PPFIA4: variants seen among roughly 807,000 people sequenced by gnomAD.
PPFIA4 encodes PPFI scaffold protein A4, also known as liprin-alpha-4.
PPFIA4 carries 98 observed loss-of-function variants against 145.7 expected under a neutral mutation model. The ratio of observed to expected loss-of-function variants is 0.67; its 90% confidence interval spans 0.57 to 0.80. PPFIA4 has a LOEUF of 0.80. Ranked by LOEUF, PPFIA4 falls within the 30% of genes least tolerant of loss-of-function variation. The pLI, the probability that PPFIA4 is intolerant of heterozygous loss-of-function variation, is 0.00. For synonymous variants in PPFIA4, 628 were observed against 649.6 expected (o/e 0.97, Z 0.51); for missense variants, 1,457 against 1,632.7 (o/e 0.89, Z 1.85).
chr1:203,033,382 T>C (rs559314774), intron 1 of PPFIA4, among the ~76,000 whole-genome samples: 11 of 152,308 alleles, frequency 7.2e-5, no homozygotes, highest in African/African-American at 2.4e-4. Context: ...AGAATAGATT[T>C]GTAATTTTCT....
chr1:203,059,989 C>A, intron 21 of PPFIA4, 138 bp downstream of exon 21: 1 of 788,136 alleles, frequency 1.3e-6, no homozygotes, highest in Non-Finnish European at 2.1e-6. Flanking sequence ...AGCATTTAGC[C>A]CCCCTCCCCC....
In PPFIA4 at chr1:203,051,788, G is replaced by A; in HGVS notation, c.1531G>A (p.Ala511Thr). ...CTCAAGGTCGCACATGGGCAGTGCA[G>A]CAGACGTGCGGTTCTCCCTGGGCAC... is the stretch of plus-strand genomic sequence containing the variant. ...VHSRSHMGSAADVRFSLGTTT... is the reference protein window; with the variant it reads ...VHSRSHMGSATDVRFSLGTTT... Residue 511 changes from alanine to threonine, a missense_variant, in exon 14 of 30, where the codon GCA (alanine) becomes ACA (threonine). Coordinates refer to ENST00000295706, the MANE Select transcript of PPFIA4 (RefSeq NM_001304331.2). 2.5e-6 allele frequency: 4 copies of A among 1,613,346 alleles called. No individual in the cohort carries two copies. The African/African-American group carries it at 5.3e-5, about 21-fold the overall frequency.
chr1:203,056,024 C>A, intron 16 of PPFIA4, 96 bp from the exon 17 acceptor site: 1 of 1,262,874 alleles, frequency 7.9e-7, no homozygotes, highest in Non-Finnish European at 1.1e-6. Context: ...GGCACTGAAT[C>A]CTATCTTCTC....
In PPFIA4 at chr1:203,040,637, G is replaced by C. The variant is rs563905440; in HGVS notation, c.234+1395G>C. 3.9e-5 allele frequency among the ~76,000 whole-genome samples: 6 copies of C among 152,328 alleles called. No homozygotes were observed. In the South Asian group the frequency reaches 1.2e-3, roughly 32 times the overall value. ...CCGGAGAGAATGCAGAGGAAGATAA[G>C]AGAGGCCCAAAAGGGTTATTAAGCA... On this transcript the variant is annotated intron_variant, in intron 2 of 29. Transcript: ENST00000295706.
chr1:203,028,663 G>C (rs1229236926), intron 1 of PPFIA4, among the ~76,000 whole-genome samples: 1 of 152,052 alleles, frequency 6.6e-6, no homozygotes, highest in Non-Finnish European at 1.5e-5. Context: ...GTGCACACGC[G>C]TGTGTGAGTG....
intron 24 of PPFIA4, among the ~76,000 whole-genome samples, chr1:203,062,236 G>T (rs1376906291): frequency 6.6e-6 from 1 of 151,868 alleles, no homozygotes; most frequent in East Asian, 1.9e-4. Context: ...CCAGCACTTT[G>T]GGAGGCCGAG....
rs149435621 is a variant in PPFIA4, at chr1:203,038,342, C to T, written c.-399-268C>T. Among the ~76,000 whole-genome samples, 163 of 152,346 alleles carry T rather than the reference C, an allele frequency of 1.1e-3. 1 individual carries two copies. The East Asian group carries it at 0.025, about 23-fold the overall frequency. ...ATTTCTATATTTGGCCAGTGAGCCACGTGGGTAGGGGAACCACTGCCACTG... is the reference window on the plus strand; with the variant it reads ...ATTTCTATATTTGGCCAGTGAGCCATGTGGGTAGGGGAACCACTGCCACTG... On this transcript the variant is annotated intron_variant, in intron 1 of 29. Coordinates refer to ENST00000295706, the MANE Select transcript of PPFIA4 (RefSeq NM_001304331.2).
chr1:203,027,963 T>C (rs1658532881), intron 1 of PPFIA4, among the ~76,000 whole-genome samples: 1 of 152,246 alleles, frequency 6.6e-6, no homozygotes, highest in African/African-American at 2.4e-5. Context: ...CCAGGGAAGC[T>C]GCCTAAGCAA....
intron 2 of PPFIA4, among the ~76,000 whole-genome samples, chr1:203,039,909 G>A (rs867261785): frequency 6.6e-6 from 1 of 152,214 alleles, no homozygotes; most frequent in African/African-American, 2.4e-5. Flanking sequence ...TAAGTTGCTC[G>A]TGGCCATGCA....
chr1:203,051,384 AG>A (rs1380264828), intron 13 of PPFIA4: 10 of 921,244 alleles, frequency 1.1e-5, no homozygotes, highest in Non-Finnish European at 1.3e-5. Flanking sequence ...AACATCTCCC[AG>A]TGCCTGGAGC....
Position 203,048,351 on chromosome 1 carries a change from G to T in PPFIA4, c.1224+41G>T, listed in dbSNP as rs370026678. On this transcript the variant is annotated intron_variant, in intron 10 of 29. Transcript: ENST00000295706. The surrounding 1 kb of genome is among the most constrained non-coding windows in gnomAD (Gnocchi z 5.8). ...CGGGCCCTCAGGCCCCCTCCTTCCC[G>T]CAGGACAGGCTCCCAGGGCGGTCTG... 2.3e-4 allele frequency: 364 copies of T among 1,593,172 alleles called. 6 individuals are homozygous for T. In the East Asian group the frequency reaches 5.3e-3, roughly 23 times the overall value.
intron 25 of PPFIA4, among the ~76,000 whole-genome samples, chr1:203,064,327 G>A (rs913253169): frequency 7.2e-5 from 11 of 152,076 alleles, no homozygotes; most frequent in Non-Finnish European, 4.4e-5. Context: ...CTTGTCTTTG[G>A]GCTTGCTGAA....
intron 9 of PPFIA4, among the ~76,000 whole-genome samples, chr1:203,047,585 A>G (rs1414607571): frequency 6.6e-6 from 1 of 152,158 alleles, no homozygotes; most frequent in African/African-American, 2.4e-5. Context: ...CTGGACATCC[A>G]TGACTGGAAA....
In PPFIA4 at chr1:203,057,483, A is replaced by G. The variant is rs150595939; in HGVS notation, c.2407+533A>G. Reference sequence around the variant, plus strand: ...CTGTGATAGTATAAATGTCTAGTACATGCTTGGCATGTGGTGAGTACACGT... The same window carrying G: ...CTGTGATAGTATAAATGTCTAGTACGTGCTTGGCATGTGGTGAGTACACGT... On this transcript the variant is annotated intron_variant, in intron 19 of 29. Coordinates refer to ENST00000295706, the MANE Select transcript of PPFIA4 (RefSeq NM_001304331.2). 2.7e-4 allele frequency among the ~76,000 whole-genome samples: 41 copies of G among 152,356 alleles called. 1 individual carries two copies. The highest frequency in any genetic ancestry group is 8.7e-4 in the African/African-American group (36 of 41,582).
chr1:203,075,766 C>CA lies in PPFIA4; in HGVS notation c.3574+10dup. 1 of 1,359,036 alleles carries CA rather than the reference C, an allele frequency of 7.4e-7. No homozygotes were observed. The highest frequency in any genetic ancestry group is 9.5e-7 in the Non-Finnish European group (1 of 1,050,090). The allele number at this position is 1,359,036 out of a possible 1,614,324, so 84.2% of individuals were successfully genotyped here. On this transcript the variant is annotated intron_variant, in intron 29 of 29. Coordinates refer to ENST00000295706, the MANE Select transcript of PPFIA4 (RefSeq NM_001304331.2). This position sits in a 1 kb window ranked among gnomAD's most constrained non-coding sequence, Gnocchi z 4.1. Reference sequence around the variant, plus strand: ...GAAGATCATGCCTGAAGGTGAGTAACAGGCGGGCTGGGCATGGCCGAGGCC... The same window carrying CA: ...GAAGATCATGCCTGAAGGTGAGTAACAAGGCGGGCTGGGCATGGCCGAGGCC...
chr1:203,051,399 C>A, intron 13 of PPFIA4: 1 of 863,878 alleles, frequency 1.2e-6, no homozygotes, highest in Non-Finnish European at 1.4e-6. Flanking sequence ...CTGGAGCCCT[C>A]CTGCGCCACG....
intron 14 of PPFIA4, among the ~76,000 whole-genome samples, chr1:203,052,911 C>T (rs192673301): frequency 6.6e-6 from 1 of 152,334 alleles, no homozygotes; most frequent in Non-Finnish European, 1.5e-5. Flanking sequence ...CCTGCTTGGC[C>T]TTTCTGTTCT....
In PPFIA4 at chr1:203,038,784, G is replaced by A; in HGVS notation, c.-225G>A. Reference sequence around the variant, plus strand: ...ACACAGGGCACCCAGCCCCAGCCCTGAGAAGTTAAGCCAGGCCTTCTGGCT... The same window carrying A: ...ACACAGGGCACCCAGCCCCAGCCCTAAGAAGTTAAGCCAGGCCTTCTGGCT... On this transcript the variant is annotated 5_prime_UTR_variant, in exon 2 of 30. Transcript: ENST00000295706. 1 of 421,444 alleles carries A rather than the reference G, an allele frequency of 2.4e-6. No homozygotes were observed. Among genetic ancestry groups the A allele is most frequent in the Non-Finnish European group, 4.2e-6 (1 of 235,788 alleles). 26.1% of individuals were successfully genotyped at this position (421,444 alleles called of 1,614,324 possible).
rs1195323613 is a variant in PPFIA4 at position 203,048,139 on chromosome 1, C to T, written c.1141-88C>T. ...GTACTGGGGGCCATGATCCCCAGGG[C>T]CACCCTGGCACCAGGGTGCAGGGGA... is the stretch of plus-strand genomic sequence containing the variant. On this transcript the variant is annotated intron_variant, in intron 9 of 29. Coordinates refer to ENST00000295706, the MANE Select transcript of PPFIA4 (RefSeq NM_001304331.2). This position sits in a 1 kb window ranked among gnomAD's most constrained non-coding sequence, Gnocchi z 5.8. 23 of 1,277,898 alleles carry T rather than the reference C, an allele frequency of 1.8e-5. No homozygotes were observed. Among genetic ancestry groups the T allele is most frequent in the Non-Finnish European group, 2.2e-5 (20 of 893,312 alleles). 79.2% of individuals were successfully genotyped at this position (1,277,898 alleles called of 1,614,324 possible).
Sources: allele counts gnomAD v4.1 joint callset (sites outside exome capture counted in the v4.1 genomes callset), GRCh38; gene constraint gnomAD v4.1.1; non-coding constraint Gnocchi (gnomAD v3.1); transcripts MANE v1.5; gene names NCBI Gene and HGNC (gene_info 2026-07-23, HGNC 2026-07-21).